Variants in NFIL3 observed in about 807,000 individuals in gnomAD.
NFIL3 encodes the protein nuclear factor interleukin-3-regulated protein.
In NFIL3, 5 loss-of-function variants were observed where a neutral mutation model predicts 10.0. The observed-to-expected ratio is 0.50, with a 90% confidence interval of 0.26 to 1.06. NFIL3 has a LOEUF of 1.06. Among genes scored for constraint, NFIL3 ranks in the 50% least tolerant of loss-of-function variants. The pLI, the probability that NFIL3 is intolerant of heterozygous loss-of-function variation, is 0.13. For missense variants in NFIL3, 436 were observed against 547.6 expected (o/e 0.80, Z 2.03); for synonymous variants, 202 against 206.5 (o/e 0.98, Z 0.19).
At chr9:91,444,193 T>G in the NFIL3 span, among the ~76,000 whole-genome samples, 1 of 152,170 alleles carries the variant, frequency 6.6e-6, no homozygotes, top group Non-Finnish European at 1.5e-5. Flanking sequence ...TTCTTCTGCT[T>G]GATCTAGTCT....
the NFIL3 span, among the ~76,000 whole-genome samples, chr9:91,467,430 T>C: frequency 2.6e-5 from 4 of 152,188 alleles, no homozygotes; most frequent in Non-Finnish European, 5.9e-5. Flanking sequence ...TCATTGTTGG[T>C]ATATAAGAAA....
the NFIL3 span, among the ~76,000 whole-genome samples, chr9:91,444,092 G>A: frequency 6.6e-6 from 1 of 152,056 alleles, no homozygotes. Context: ...TGTTACATAA[G>A]TCCAACAGGC....
chr9:91,452,604 G>A, the NFIL3 span, among the ~76,000 whole-genome samples: 63 of 151,940 alleles, frequency 4.1e-4, 1 homozygote, highest in African/African-American at 1.3e-3. Flanking sequence ...GTGAAACCCC[G>A]TTTTTACTAA....
At chr9:91,462,300 G>A in the NFIL3 span, among the ~76,000 whole-genome samples, 2 of 152,036 alleles carry the variant, frequency 1.3e-5, no homozygotes, top group East Asian at 3.9e-4. Context: ...GATCTTAGGA[G>A]GATCTGTGTT....
chr9:91,440,586 A>G, the NFIL3 span, among the ~76,000 whole-genome samples: 1 of 151,902 alleles, frequency 6.6e-6, no homozygotes, highest in Admixed American at 6.6e-5. Flanking sequence ...TTCTTGAAGA[A>G]TATTTTTAGA....
upstream of NFIL3, among the ~76,000 whole-genome samples, chr9:91,424,574 G>C (rs552338691): frequency 6.6e-6 from 1 of 152,314 alleles, no homozygotes; most frequent in South Asian, 2.1e-4. Context: ...AGCCGCGACG[G>C]CCCGGAGCCG....
intron 1 of NFIL3, among the ~76,000 whole-genome samples, chr9:91,414,136 C>CT (rs1427051839): frequency 6.6e-6 from 1 of 152,212 alleles, no homozygotes; most frequent in African/African-American, 2.4e-5. Flanking sequence ...TTCTAGGTGT[C>CT]TAAGTACTAT....
the NFIL3 span, among the ~76,000 whole-genome samples, chr9:91,458,088 A>T: frequency 1.3e-5 from 2 of 151,990 alleles, no homozygotes; most frequent in Non-Finnish European, 2.9e-5. Context: ...ATATATTTTT[A>T]TGTGGAATTT....
chr9:91,478,797 T>C, the NFIL3 span, among the ~76,000 whole-genome samples: 1 of 152,242 alleles, frequency 6.6e-6, no homozygotes, highest in Non-Finnish European at 1.5e-5. Context: ...CCTTTGGTCT[T>C]TGATGTTGGT....
the NFIL3 span, among the ~76,000 whole-genome samples, chr9:91,448,231 C>A: frequency 6.6e-6 from 1 of 152,074 alleles, no homozygotes; most frequent in Non-Finnish European, 1.5e-5. Context: ...AACAGAATAC[C>A]TGAGGCTGGG....
chr9:91,424,861 C>T (rs1396817362), upstream of NFIL3, among the ~76,000 whole-genome samples: 1 of 152,170 alleles, frequency 6.6e-6, no homozygotes, highest in Non-Finnish European at 1.5e-5. Context: ...GTTATTTCTG[C>T]GTCTAACTGG....
chr9:91,412,391 T>C (rs1193678221), intron 1 of NFIL3, among the ~76,000 whole-genome samples: 2 of 152,216 alleles, frequency 1.3e-5, no homozygotes, highest in African/African-American at 2.4e-5. Context: ...TATGTTCCAG[T>C]AGCAATCATT....
rs1833537691 is a variant in NFIL3 at position 91,410,993 on chromosome 9, T to C, written c.-172-87A>G. On this transcript the variant is annotated intron_variant, in intron 1 of 1. Transcript: ENST00000297689. The surrounding 1 kb of genome is among the most constrained non-coding windows in gnomAD (Gnocchi z 5.7). The stretch of plus-strand genomic sequence containing the variant: ...TGTACAAGGAAATATGCTAAGCATT[T>C]AGGGCATACAAGCACAGATGAGGCA... 2.1e-6 allele frequency: 1 copy of C among 470,650 alleles called. No homozygotes were observed. Among genetic ancestry groups the C allele is most frequent in the Non-Finnish European group, 3.8e-6 (1 of 260,042 alleles). 29.2% of individuals were successfully genotyped at this position (470,650 alleles called of 1,614,324 possible). A position where few individuals can be genotyped will look rare whatever the true frequency, so the allele number is the denominator to read the frequency against.
In NFIL3 at chr9:91,409,185, CT is replaced by C; in HGVS notation, c.*160del. On this transcript the variant is annotated 3_prime_UTR_variant, in exon 2 of 2. Coordinates refer to ENST00000297689, the MANE Select transcript of NFIL3 (RefSeq NM_005384.3). ...AGGCAGAGTGATAACACAATCTAAT[CT>C]TCATCATAATCTGTGCACAAAAAGA... The C allele has an allele frequency of 1.5e-6, 1 of 650,104 alleles. No homozygotes were observed. The highest frequency in any genetic ancestry group is 2.5e-6 in the Non-Finnish European group (1 of 394,142). The allele number at this position is 650,104 out of a possible 1,614,324, so 40.3% of individuals were successfully genotyped here.
the NFIL3 span, among the ~76,000 whole-genome samples, chr9:91,475,479 T>C: frequency 1.3e-5 from 2 of 152,172 alleles, no homozygotes; most frequent in African/African-American, 4.8e-5. Flanking sequence ...AAGTACCTAA[T>C]ATTATAACCT....
chr9:91,462,426 A>C, the NFIL3 span, among the ~76,000 whole-genome samples: 1 of 152,102 alleles, frequency 6.6e-6, no homozygotes, highest in Non-Finnish European at 1.5e-5. Context: ...AGATTTTGTC[A>C]AATGCTTTTT....
the NFIL3 span, among the ~76,000 whole-genome samples, chr9:91,473,078 A>G: frequency 2.0e-5 from 3 of 152,160 alleles, no homozygotes; most frequent in Non-Finnish European, 4.4e-5. Flanking sequence ...TTCCCATGGA[A>G]GCTGCATCTC....
chr9:91,461,072 A>G, the NFIL3 span, among the ~76,000 whole-genome samples: 3 of 152,220 alleles, frequency 2.0e-5, no homozygotes, highest in African/African-American at 7.2e-5. Flanking sequence ...TTTCTCATCT[A>G]TCTTGGGTGG....
At chr9:91,445,702 G>A in the NFIL3 span, among the ~76,000 whole-genome samples, 14 of 152,274 alleles carry the variant, frequency 9.2e-5, no homozygotes, top group East Asian at 2.7e-3. Context: ...TCCATAGAAA[G>A]CAGGGCACTA....
Sources: allele counts gnomAD v4.1 joint callset (sites outside exome capture counted in the v4.1 genomes callset), GRCh38; gene constraint gnomAD v4.1.1; non-coding constraint Gnocchi (gnomAD v3.1); transcripts MANE v1.5; gene names NCBI Gene and HGNC (gene_info 2026-07-23, HGNC 2026-07-21).